The following VGLL4 variants were observed in gnomAD, a reference collection of about 807,000 sequenced individuals.
The protein encoded by VGLL4 is vestigial like family member 4.
A neutral mutation model predicts 21.0 loss-of-function variants in VGLL4; 7 were observed. The ratio of observed to expected loss-of-function variants is 0.33; its 90% confidence interval spans 0.19 to 0.63. The LOEUF (loss-of-function observed/expected upper bound fraction) is 0.63, where lower values mean the gene tolerates loss of function less well. VGLL4 is among the 20% of genes least tolerant of loss of function. The probability of loss-of-function intolerance (pLI) is 0.78; values close to 1 mark genes in which losing one functional copy is unlikely to be tolerated. For missense variants in VGLL4, 394 were observed against 425.7 expected, an observed-to-expected ratio of 0.93 and a Z score of 0.66; for synonymous variants, 222 against 173.2, an observed-to-expected ratio of 1.28 and a Z score of -2.21.
intron 1 of VGLL4, among the ~76,000 whole-genome samples, chr3:11,705,763 A>G (rs968986304): frequency 1.3e-5 from 2 of 152,182 alleles, no homozygotes; most frequent in African/African-American, 4.8e-5. Context: ...TCTACTAAAA[A>G]CACAAAAAAT....
chr3:11,693,838 C>A (rs2076567413), intron 2 of VGLL4, among the ~76,000 whole-genome samples: 1 of 151,728 alleles, frequency 6.6e-6, no homozygotes, highest in Non-Finnish European at 1.5e-5. Flanking sequence ...AAGCCTTTTC[C>A]AAATGAAAAT....
chr3:11,626,646 C>T (rs1179133806), intron 1 of VGLL4: 1 of 252,430 alleles, frequency 4.0e-6, no homozygotes, highest in African/African-American at 2.2e-5. Context: ...CAGAAAGCCA[C>T]TTACAGACAA....
intron 1 of VGLL4, among the ~76,000 whole-genome samples, chr3:11,620,186 T>C (rs2075238611): frequency 2.0e-5 from 3 of 152,282 alleles, no homozygotes; most frequent in East Asian, 1.9e-4. Flanking sequence ...GAGGAAATGG[T>C]CACCAAAAGT....
chr3:11,582,355 A>G (rs2074251282), intron 2 of VGLL4: 1 of 1,578,452 alleles, frequency 6.3e-7, no homozygotes, highest in Non-Finnish European at 8.6e-7. Context: ...CTTGGGCCTC[A>G]CAAACTTGGC....
At chr3:11,615,886 T>G (rs1425925125) in intron 1 of VGLL4, among the ~76,000 whole-genome samples, 1 of 152,208 alleles carries the variant, frequency 6.6e-6, no homozygotes, top group Non-Finnish European at 1.5e-5. Context: ...TAGCAAATAT[T>G]TGTTGAATAA....
intron 1 of VGLL4, among the ~76,000 whole-genome samples, chr3:11,641,765 G>C (rs572230639): frequency 1.3e-5 from 2 of 152,186 alleles, no homozygotes; most frequent in East Asian, 3.9e-4. Context: ...CGAGAGAGAA[G>C]AGCAGAGCAG....
chr3:11,707,858 G>T (rs571262325), intron 1 of VGLL4, among the ~76,000 whole-genome samples: 1 of 152,258 alleles, frequency 6.6e-6, no homozygotes, highest in South Asian at 2.1e-4. Context: ...GACCCCATCT[G>T]TAAAAAACAA....
Position 11,568,521 on chromosome 3 carries a change from T to A in VGLL4, c.273-3502A>T. On this transcript the variant is annotated intron_variant, in intron 2 of 4. Transcript: ENST00000430365. The surrounding 1 kb of genome is among the most constrained non-coding windows in gnomAD (Gnocchi z 5.9). ...GTGGAACACAGCACAGTGGGCACTATGGGTCAGACAAAGACACTGAAAACA... is the reference window on the plus strand; with the variant it reads ...GTGGAACACAGCACAGTGGGCACTAAGGGTCAGACAAAGACACTGAAAACA... The A allele has an allele frequency of 6.5e-7, 1 of 1,528,504 alleles. No individual in the cohort carries two copies. The highest frequency in any genetic ancestry group is 8.9e-7 in the Non-Finnish European group (1 of 1,126,274). 94.7% of individuals were successfully genotyped at this position (1,528,504 alleles called of 1,614,324 possible).
At chr3:11,709,571 T>C (rs2076811791) in intron 1 of VGLL4, among the ~76,000 whole-genome samples, 1 of 151,954 alleles carries the variant, frequency 6.6e-6, no homozygotes, top group Admixed American at 6.6e-5. Context: ...TGAATAGACA[T>C]ATATTTTGTT....
chr3:11,705,730 G>A (rs2076750268), intron 1 of VGLL4, among the ~76,000 whole-genome samples: 1 of 152,198 alleles, frequency 6.6e-6, no homozygotes, highest in African/African-American at 2.4e-5. Context: ...AGACCATCCT[G>A]GCTAACACAG....
intron 1 of VGLL4, among the ~76,000 whole-genome samples, chr3:11,619,593 C>T (rs868842595): frequency 6.6e-6 from 1 of 152,096 alleles, no homozygotes; most frequent in South Asian, 2.1e-4. Flanking sequence ...TGTGTTGACG[C>T]GGAAGGGCGG....
At chr3:11,574,983 G>C (rs2073993451) in intron 2 of VGLL4, among the ~76,000 whole-genome samples, 1 of 151,964 alleles carries the variant, frequency 6.6e-6, no homozygotes, top group South Asian at 2.1e-4. Context: ...GGTAGTGTTT[G>C]GGGAGGATGA....
intron 2 of VGLL4, among the ~76,000 whole-genome samples, chr3:11,678,683 AC>A (rs2076328427): frequency 6.6e-6 from 1 of 152,148 alleles, no homozygotes; most frequent in Non-Finnish European, 1.5e-5. Context: ...ACAGAGTGAG[AC>A]CCTTAATATA....
intron 2 of VGLL4, among the ~76,000 whole-genome samples, chr3:11,669,559 ATAT>A: frequency 6.6e-6 from 1 of 152,236 alleles, no homozygotes; most frequent in East Asian, 1.9e-4. Context: ...CGAACTTTAA[ATAT>A]TAATAGAACT....
chr3:11,615,198 G>A (rs538838912), intron 1 of VGLL4, among the ~76,000 whole-genome samples: 45 of 152,242 alleles, frequency 3.0e-4, no homozygotes, highest in South Asian at 8.3e-4. Context: ...CCAACTTCCC[G>A]AACTGACCTG....
intron 1 of VGLL4, 45 bp downstream of exon 1, chr3:11,643,392 G>C: frequency 6.2e-7 from 1 of 1,613,802 alleles, no homozygotes; most frequent in Non-Finnish European, 8.5e-7. Context: ...GAGGAGGAGT[G>C]GCCGGGACGA....
At chr3:11,633,803 C>CAG (rs2075533860) in intron 1 of VGLL4, 4 of 152,162 alleles carry the variant, frequency 2.6e-5, no homozygotes, top group African/African-American at 9.7e-5. Context: ...GGCAAAAGGG[C>CAG]TTACTCACAG....
At chr3:11,718,388 A>G (rs2076946580) in intron 1 of VGLL4, among the ~76,000 whole-genome samples, 1 of 152,184 alleles carries the variant, frequency 6.6e-6, no homozygotes, top group Non-Finnish European at 1.5e-5. Context: ...ACTTGTCCCA[A>G]GATCACACCA....
chr3:11,673,726 C>T (rs1195477971), intron 2 of VGLL4, among the ~76,000 whole-genome samples: 1 of 152,032 alleles, frequency 6.6e-6, no homozygotes, highest in Admixed American at 6.6e-5. Context: ...GATACAAAAT[C>T]AGAATGGCCA....
Sources: gnomAD v4.1 joint callset for allele counts (sites outside exome capture counted in the v4.1 genomes callset) on GRCh38, gnomAD v4.1.1 for gene constraint, Gnocchi (gnomAD v3.1) non-coding constraint, MANE v1.5 for transcripts, NCBI Gene and HGNC (gene_info 2026-07-23, HGNC 2026-07-21) for gene names.